Variants in CSMD1 observed in about 807,000 individuals in gnomAD.
The protein encoded by CSMD1 is CUB and Sushi multiple domains 1.
In CSMD1, 213 loss-of-function variants were observed where a neutral mutation model predicts 417.5. The ratio of observed to expected loss-of-function variants is 0.51; its 90% CI spans 0.46 to 0.57. The LOEUF (loss-of-function observed/expected upper bound fraction) is 0.57, where lower values mean the gene tolerates loss of function less well. CSMD1 is among the 20% of genes least tolerant of loss of function. The pLI, the probability that CSMD1 is intolerant of heterozygous loss-of-function variation, is 0.00. For synonymous variants in CSMD1, 2,862 were observed against 1,736.8 expected, an observed-to-expected ratio of 1.65 and a Z score of -16.11; for missense variants, 6,923 against 4,529.7, an observed-to-expected ratio of 1.53 and a Z score of -15.17.
chr8:3,261,545 G>C (rs969274317), intron 26 of CSMD1, among the ~76,000 whole-genome samples: 2 of 152,082 alleles, frequency 1.3e-5, no homozygotes, highest in African/African-American at 4.8e-5. Flanking sequence ...AAACCTGCGC[G>C]TGAATGTTCA....
chr8:4,575,444 T>C (rs998993393), intron 2 of CSMD1, among the ~76,000 whole-genome samples: 1 of 152,204 alleles, frequency 6.6e-6, no homozygotes, highest in Non-Finnish European at 1.5e-5. Flanking sequence ...CTGTGTAACA[T>C]CCGGCAGGTC....
intron 5 of CSMD1, among the ~76,000 whole-genome samples, chr8:3,901,862 G>A (rs1807776307): frequency 6.6e-6 from 1 of 152,094 alleles, no homozygotes; most frequent in Admixed American, 6.5e-5. Flanking sequence ...TTATTATACT[G>A]TACTCTTCTC....
chr8:3,882,629 T>C (rs991477278), intron 5 of CSMD1, among the ~76,000 whole-genome samples: 5 of 152,176 alleles, frequency 3.3e-5, no homozygotes, highest in African/African-American at 1.2e-4. Context: ...CTGAAAATTA[T>C]GTAATTGCCC....
intron 10 of CSMD1, among the ~76,000 whole-genome samples, chr8:3,552,161 G>T (rs1055019910): frequency 3.9e-5 from 6 of 152,168 alleles, no homozygotes; most frequent in African/African-American, 1.4e-4. Context: ...AAGAGAAAGA[G>T]GTGAGATTTT....
intron 1 of CSMD1, among the ~76,000 whole-genome samples, chr8:4,791,989 G>C (rs919508222): frequency 6.6e-6 from 1 of 151,520 alleles, no homozygotes; most frequent in Non-Finnish European, 1.5e-5. Flanking sequence ...GTCCTTTATA[G>C]TGTGTGTCTC....
At chr8:3,602,173 A>C (rs555747428) in intron 8 of CSMD1, among the ~76,000 whole-genome samples, 11 of 152,340 alleles carry the variant, frequency 7.2e-5, no homozygotes, top group Admixed American at 3.9e-4. Flanking sequence ...TATCACAATT[A>C]AACATTCTCT....
rs774833287 is a variant in CSMD1, at chr8:3,343,324, T to C, written c.3601A>G (p.Thr1201Ala). The C allele has an allele frequency of 6.2e-7, 1 of 1,613,764 alleles. No individual in the cohort carries two copies. Residue 1201 changes from threonine (T) to alanine (A), a missense_variant, in exon 23 of 70, where the codon ACC becomes GCC. Coordinates refer to ENST00000635120, the MANE Select transcript of CSMD1 (RefSeq NM_033225.6). The stretch of plus-strand genomic sequence containing the variant: ...TAGGTGAGTTGAAAACCTTGGTCGG[T>C]GTCAGATCCATTGGTGTTGAACTCT... Reference protein sequence around the residue: ...WLEFNTNGSDTDQGFQLTYTS... With the variant: ...WLEFNTNGSDADQGFQLTYTS...
chr8:4,246,760 T>C (rs1802739952), intron 3 of CSMD1, among the ~76,000 whole-genome samples: 2 of 152,164 alleles, frequency 1.3e-5, no homozygotes, highest in African/African-American at 2.4e-5. Context: ...GAAAACAGGA[T>C]CAAGAAGATT....
chr8:4,344,652 C>G (rs958768143), intron 3 of CSMD1, among the ~76,000 whole-genome samples: 2 of 151,716 alleles, frequency 1.3e-5, no homozygotes, highest in African/African-American at 2.4e-5. Context: ...TAAAAGCACT[C>G]AAGAATTGAA....
chr8:3,082,585 C>T (rs1456327100), intron 49 of CSMD1, among the ~76,000 whole-genome samples: 4 of 152,174 alleles, frequency 2.6e-5, no homozygotes, highest in Non-Finnish European at 4.4e-5. Flanking sequence ...CCTTGGTACC[C>T]GCCTGCAGTG....
intron 10 of CSMD1, among the ~76,000 whole-genome samples, chr8:3,506,981 A>T (rs1796853522): frequency 1.3e-5 from 2 of 152,220 alleles, no homozygotes; most frequent in Admixed American, 1.3e-4. Flanking sequence ...TATCTTTGAT[A>T]TAGAGTTTCT....
At position 4,954,111 on chromosome 8, in the gene CSMD1, ATTATT is replaced by A. The variant is rs75826397; in HGVS notation, c.85+40216_85+40220del. ...ATCCTACCTGTGCCAATTTAAACACATTATTTTATTTCTAAATGCCAAAGAGTAGG... is the reference window on the plus strand; with the variant it reads ...ATCCTACCTGTGCCAATTTAAACACATTATTTCTAAATGCCAAAGAGTAGG... On this transcript the variant is annotated intron_variant, in intron 1 of 69. Coordinates refer to ENST00000635120, the MANE Select transcript of CSMD1 (RefSeq NM_033225.6). 4.9e-3 allele frequency among the ~76,000 whole-genome samples: 743 copies of A among 152,308 alleles called. 3 individuals are homozygous for A. The highest frequency in any genetic ancestry group is 0.014 in the South Asian group (70 of 4,830).
At chr8:4,399,325 T>C (rs183937632) in intron 3 of CSMD1, among the ~76,000 whole-genome samples, 41 of 152,348 alleles carry the variant, frequency 2.7e-4, no homozygotes, top group Admixed American at 4.6e-4. Flanking sequence ...GAAAACAATT[T>C]AAACAATACA....
intron 2 of CSMD1, among the ~76,000 whole-genome samples, chr8:4,587,290 A>C (rs770211228): frequency 8.5e-5 from 13 of 152,116 alleles, no homozygotes; most frequent in Admixed American, 5.9e-4. Flanking sequence ...GAAGAGCTTA[A>C]TGTTCTTTTA....
intron 1 of CSMD1, among the ~76,000 whole-genome samples, chr8:4,799,459 C>A (rs2117274011): frequency 6.6e-6 from 1 of 151,772 alleles, no homozygotes; most frequent in East Asian, 1.9e-4. Context: ...TAGCCAGGCG[C>A]GTAATGGTGT....
At chr8:3,665,836 AGGCTCCTGC>A (rs1798663641) in intron 7 of CSMD1, among the ~76,000 whole-genome samples, 1 of 152,158 alleles carries the variant, frequency 6.6e-6, no homozygotes, top group Non-Finnish European at 1.5e-5. Context: ...CCCAAGGCTT[AGGCTCCTGC>A]ATTTATGACC....
chr8:4,399,290 A>G (rs892614536), intron 3 of CSMD1, among the ~76,000 whole-genome samples: 2 of 152,228 alleles, frequency 1.3e-5, no homozygotes, highest in Non-Finnish European at 2.9e-5. Flanking sequence ...ATCATTAGTA[A>G]TGAGGGAGCT....
At chr8:4,928,396 G>A (rs1196370964) in intron 1 of CSMD1, among the ~76,000 whole-genome samples, 2 of 152,164 alleles carry the variant, frequency 1.3e-5, no homozygotes, top group South Asian at 2.1e-4. Context: ...TGCAAGAGCT[G>A]GGGCTTTCCC....
At chr8:3,756,013 C>T (rs535163169) in intron 5 of CSMD1, among the ~76,000 whole-genome samples, 55 of 152,048 alleles carry the variant, frequency 3.6e-4, no homozygotes, top group African/African-American at 1.2e-3. Context: ...GATTCAAAAA[C>T]CCCCAGTCTG....
Sources: allele counts gnomAD v4.1 joint callset (sites outside exome capture counted in the v4.1 genomes callset), GRCh38; gene constraint gnomAD v4.1.1; transcripts MANE v1.5; gene names NCBI Gene and HGNC (gene_info 2026-07-23, HGNC 2026-07-21).